The following IGSF10 variants were observed in gnomAD, a reference collection of about 807,000 sequenced individuals.
The protein encoded by IGSF10 is calvaria mechanical force protein 608.
Under a neutral mutation model 128.2 loss-of-function variants are expected in IGSF10, and 126 were observed. The observed-to-expected ratio is 0.98, with a 90% CI of 0.85 to 1.14. The LOEUF is 1.14. IGSF10 is among the 50% of genes most tolerant of loss of function. IGSF10 has a pLI of 0.00. For synonymous variants in IGSF10, 1,185 were observed against 1,146.2 expected, an observed-to-expected ratio of 1.03 and a Z score of -0.68; for missense variants, 3,295 against 3,149.8, an observed-to-expected ratio of 1.05 and a Z score of -1.10.
At chr3:151,587,223 C>T in the IGSF10 span, among the ~76,000 whole-genome samples, 1 of 152,132 alleles carries the variant, frequency 6.6e-6, no homozygotes, top group East Asian at 1.9e-4. Context: ...ATTCAGGGAG[C>T]TCCAGACCCA....
In IGSF10 at chr3:151,448,823, CA is replaced by C. The variant is rs1721364816; in HGVS notation, c.1157del (p.Leu386ArgfsTer3). On this transcript the variant is annotated frameshift_variant, in exon 6 of 8. Coordinates refer to ENST00000282466, the MANE Select transcript of IGSF10 (RefSeq NM_178822.5). LOFTEE classifies it high-confidence loss of function. ...TAAGCAAGTGGCTCCTTTCTAGTAT[CA>C]GAGGAGAATCACTGTACAAAGCCAA... ...QILALYSDSP[L>X]ILERSHLLSE... 6.2e-7 allele frequency: 1 copy of C among 1,613,310 alleles called. No homozygotes were observed. The highest frequency in any genetic ancestry group is 1.1e-5 in the South Asian group (1 of 91,082).
the IGSF10 span, among the ~76,000 whole-genome samples, chr3:151,527,649 T>C: frequency 1.3e-5 from 2 of 152,158 alleles, no homozygotes; most frequent in African/African-American, 4.8e-5. Flanking sequence ...AAAAGCATTG[T>C]TTTAAAAATC....
chr3:151,549,226 G>T, the IGSF10 span, among the ~76,000 whole-genome samples: 1 of 152,104 alleles, frequency 6.6e-6, no homozygotes, highest in Non-Finnish European at 1.5e-5. Flanking sequence ...CATTTCATTG[G>T]GGGAAGTCCT....
At chr3:151,606,542 C>T in the IGSF10 span, among the ~76,000 whole-genome samples, 1 of 152,274 alleles carries the variant, frequency 6.6e-6, no homozygotes, top group Admixed American at 6.5e-5. Flanking sequence ...TGAGTGGACA[C>T]CTGACCAAAG....
chr3:151,603,784 T>A, the IGSF10 span, among the ~76,000 whole-genome samples: 1 of 152,190 alleles, frequency 6.6e-6, no homozygotes, highest in African/African-American at 2.4e-5. Context: ...GGCTGATAGG[T>A]TTGAGACCTA....
chr3:151,491,035 G>T, the IGSF10 span, among the ~76,000 whole-genome samples: 1 of 152,066 alleles, frequency 6.6e-6, no homozygotes, highest in African/African-American at 2.4e-5. Context: ...ACAGAAAACA[G>T]AAAGCCATGG....
chr3:151,479,303 G>A, the IGSF10 span, among the ~76,000 whole-genome samples: 2 of 152,176 alleles, frequency 1.3e-5, no homozygotes, highest in African/African-American at 2.4e-5. Flanking sequence ...GGTGACTCCT[G>A]CACATATTGA....
At chr3:151,618,844 A>C in the IGSF10 span, among the ~76,000 whole-genome samples, 1 of 151,140 alleles carries the variant, frequency 6.6e-6, no homozygotes. Flanking sequence ...TATGTATGCC[A>C]GGAGGCAAGT....
the IGSF10 span, among the ~76,000 whole-genome samples, chr3:151,569,874 C>G: frequency 6.6e-6 from 1 of 151,796 alleles, no homozygotes; most frequent in Admixed American, 6.6e-5. Context: ...CTAATGCTAT[C>G]CCTCCCCCAT....
chr3:151,491,499 A>C, the IGSF10 span, among the ~76,000 whole-genome samples: 2 of 152,170 alleles, frequency 1.3e-5, no homozygotes, highest in Non-Finnish European at 2.9e-5. Flanking sequence ...AATCTCTTGA[A>C]CCCAAGAGGT....
the IGSF10 span, among the ~76,000 whole-genome samples, chr3:151,521,074 A>G: frequency 2.6e-4 from 39 of 151,968 alleles, no homozygotes; most frequent in African/African-American, 9.4e-4. Flanking sequence ...ATCAGGGGTT[A>G]TAATACTAAT....
chr3:151,529,623 G>A, the IGSF10 span, among the ~76,000 whole-genome samples: 93 of 152,310 alleles, frequency 6.1e-4, no homozygotes, highest in Middle Eastern at 0.014. Context: ...GGGTCTGACT[G>A]TTAGAAGGAA....
chr3:151,441,167 T>A (rs970400445), intron 7 of IGSF10, among the ~76,000 whole-genome samples: 2 of 152,180 alleles, frequency 1.3e-5, no homozygotes, highest in Non-Finnish European at 2.9e-5. Flanking sequence ...TAGAGTGATA[T>A]CCCCTGCACC....
At chr3:151,559,677 G>T in the IGSF10 span, among the ~76,000 whole-genome samples, 4 of 152,226 alleles carry the variant, frequency 2.6e-5, no homozygotes, top group East Asian at 1.9e-4. Context: ...GAAAAGGTAG[G>T]GTTGGGAGCG....
intron 4 of IGSF10, among the ~76,000 whole-genome samples, chr3:151,456,800 T>C (rs1212155261): frequency 6.6e-6 from 1 of 152,246 alleles, no homozygotes; most frequent in Non-Finnish European, 1.5e-5. Flanking sequence ...ATTGATTTTT[T>C]TTCTATTAGC....
chr3:151,600,755 C>G, the IGSF10 span, among the ~76,000 whole-genome samples: 1 of 151,898 alleles, frequency 6.6e-6, no homozygotes, highest in African/African-American at 2.4e-5. Flanking sequence ...ACCTTTTTGT[C>G]AAAATGATAT....
chr3:151,546,501 C>A, the IGSF10 span, among the ~76,000 whole-genome samples: 2 of 150,642 alleles, frequency 1.3e-5, no homozygotes, highest in South Asian at 2.1e-4. Context: ...GTGTCCACAA[C>A]CATGCCTGGC....
the IGSF10 span, among the ~76,000 whole-genome samples, chr3:151,572,494 T>C: frequency 6.6e-6 from 1 of 152,344 alleles, no homozygotes; most frequent in African/African-American, 2.4e-5. Context: ...CTTGATTTTC[T>C]AGTTTATTTG....
In IGSF10 at chr3:151,449,171, A is replaced by T. The variant is rs1577672536; in HGVS notation, c.810T>A (p.Ala270=). ...NPRTSKGKPL[A]MVSAAAFQCA... Reference sequence around the variant, plus strand: ...ACTGGAAAGCTGCAGCTGAGACCATAGCTAACGGCTTGCCTTTAGAAGTCC... The same window carrying T: ...ACTGGAAAGCTGCAGCTGAGACCATTGCTAACGGCTTGCCTTTAGAAGTCC... The change falls in exon 6 of 8, where the codon GCT becomes GCA. Residue 270 remains alanine, a synonymous_variant. Transcript: ENST00000282466. 6.2e-7 allele frequency: 1 copy of T among 1,614,218 alleles called. No individual in the cohort carries two copies. The highest frequency in any genetic ancestry group is 1.1e-5 in the South Asian group (1 of 91,082).
Sources: allele counts gnomAD v4.1 joint callset (sites outside exome capture counted in the v4.1 genomes callset), GRCh38; gene constraint gnomAD v4.1.1; transcripts MANE v1.5; gene names NCBI Gene and HGNC (gene_info 2026-07-23, HGNC 2026-07-21).